The following PTPN14 variants were observed in gnomAD, a reference collection of about 807,000 sequenced individuals.
PTPN14 encodes the protein tyrosine-protein phosphatase non-receptor type 14.
In PTPN14, 53 loss-of-function variants were observed where a neutral mutation model predicts 126.8. That is an observed-to-expected ratio of 0.42 (90% CI 0.34 to 0.53). The LOEUF (loss-of-function observed/expected upper bound fraction) is 0.53. Ranked by LOEUF, PTPN14 falls within the 20% of genes least tolerant of loss-of-function variation. The pLI is 0.08. For missense variants in PTPN14, 1,257 were observed against 1,552.9 expected, an observed-to-expected ratio of 0.81 and a Z score of 3.20; for synonymous variants, 630 against 599.3, an observed-to-expected ratio of 1.05 and a Z score of -0.75.
intron 1 of PTPN14, among the ~76,000 whole-genome samples, chr1:214,491,849 C>G (rs1661258019): frequency 6.6e-6 from 1 of 152,158 alleles, no homozygotes; most frequent in Non-Finnish European, 1.5e-5. Flanking sequence ...CAAACGTCCA[C>G]CTGCTTCCTT....
chr1:214,503,665 G>A (rs978275381), intron 1 of PTPN14, among the ~76,000 whole-genome samples: 5 of 152,196 alleles, frequency 3.3e-5, no homozygotes, highest in African/African-American at 1.2e-4. Context: ...TGTGATGTTG[G>A]TCAATAAACA....
At chr1:214,368,639 C>T (rs528713990) in intron 17 of PTPN14, among the ~76,000 whole-genome samples, 8 of 152,274 alleles carry the variant, frequency 5.3e-5, no homozygotes, top group African/African-American at 1.7e-4. Context: ...TCACCATCAT[C>T]CATGTCCAGT....
intron 1 of PTPN14, among the ~76,000 whole-genome samples, chr1:214,545,598 G>A (rs1023724089): frequency 2.6e-5 from 4 of 152,116 alleles, no homozygotes; most frequent in Non-Finnish European, 5.9e-5. Context: ...CAGTAAGGAT[G>A]GAGGGAAAGG....
chr1:214,452,772 T>C (rs1452911698), intron 2 of PTPN14, among the ~76,000 whole-genome samples: 1 of 152,240 alleles, frequency 6.6e-6, no homozygotes, highest in Non-Finnish European at 1.5e-5. Flanking sequence ...TATTAATTCA[T>C]GCTAGGATTT....
intron 18 of PTPN14, among the ~76,000 whole-genome samples, chr1:214,358,752 T>TC (rs1283187829): frequency 6.6e-6 from 1 of 151,592 alleles, no homozygotes; most frequent in Non-Finnish European, 1.5e-5. Context: ...ATTCCTTTTT[T>TC]TTTTTTTGAG....
intron 5 of PTPN14, among the ~76,000 whole-genome samples, chr1:214,409,407 C>T (rs1223014711): frequency 6.6e-6 from 1 of 152,146 alleles, no homozygotes. Context: ...TGACAAAATT[C>T]TGTTCTAAGG....
At chr1:214,370,926 T>C (rs1658203680) in intron 16 of PTPN14, among the ~76,000 whole-genome samples, 1 of 152,208 alleles carries the variant, frequency 6.6e-6, no homozygotes, top group African/African-American at 2.4e-5. Context: ...CAACACATCT[T>C]TGCGGAATAT....
chr1:214,503,459 C>A (rs1034598520), intron 1 of PTPN14, among the ~76,000 whole-genome samples: 7 of 152,080 alleles, frequency 4.6e-5, no homozygotes, highest in African/African-American at 1.7e-4. Flanking sequence ...AATATGTAGA[C>A]GTACATTTGT....
In PTPN14 at chr1:214,356,380, A is replaced by C. The variant is rs1264941636; in HGVS notation, c.*1542T>G. 1 of 152,246 alleles carries C rather than the reference A, an allele frequency of 6.6e-6. No individual in the cohort carries two copies. Among genetic ancestry groups the C allele is most frequent in the Non-Finnish European group, 1.5e-5 (1 of 68,058 alleles). The allele number at this position is 152,246 out of a possible 1,614,324, so 9.4% of individuals were successfully genotyped here. A position where few individuals can be genotyped will look rare whatever the true frequency, so the allele number is the denominator to read the frequency against. On this transcript the variant is annotated 3_prime_UTR_variant, in exon 19 of 19. Transcript: ENST00000366956. ...ACAAGGAAGATGTGGCATCAAATTAACTAGAAAGAGCACGCCTGTGACTTC... is the reference window on the plus strand; with the variant it reads ...ACAAGGAAGATGTGGCATCAAATTACCTAGAAAGAGCACGCCTGTGACTTC...
At chr1:214,541,656 C>G (rs1277426484) in intron 1 of PTPN14, among the ~76,000 whole-genome samples, 1 of 152,172 alleles carries the variant, frequency 6.6e-6, no homozygotes. Flanking sequence ...GGTGATTTAC[C>G]TGTCCATTTC....
chr1:214,406,510 T>A (rs576563136), intron 5 of PTPN14, among the ~76,000 whole-genome samples: 5 of 150,678 alleles, frequency 3.3e-5, no homozygotes, highest in African/African-American at 7.3e-5. Context: ...AAGTAGCCAA[T>A]GCAATCTAGC....
chr1:214,399,259 C>T (rs915122217), intron 7 of PTPN14, among the ~76,000 whole-genome samples: 8 of 152,148 alleles, frequency 5.3e-5, no homozygotes, highest in South Asian at 2.1e-4. Context: ...GCTGTGTCGG[C>T]GGGGTCAGGT....
At chr1:214,448,710 C>G (rs140660508) in intron 3 of PTPN14, among the ~76,000 whole-genome samples, 1 of 152,324 alleles carries the variant, frequency 6.6e-6, no homozygotes, top group African/African-American at 2.4e-5. Flanking sequence ...ATTCCAACAT[C>G]CTACCCAATA....
At chr1:214,549,894 G>T (rs555069502) in intron 1 of PTPN14, among the ~76,000 whole-genome samples, 1 of 152,302 alleles carries the variant, frequency 6.6e-6, no homozygotes, top group Non-Finnish European at 1.5e-5. Context: ...TGGGGGTGGA[G>T]AGAATGCTAT....
In PTPN14 at chr1:214,483,804, T is replaced by C. The variant is rs139708549; in HGVS notation, c.-154-18847A>G. Among the ~76,000 whole-genome samples the C allele has an allele frequency of 2.7e-3, 414 of 152,354 alleles. 1 individual carries two copies. Among genetic ancestry groups the C allele is most frequent in the African/African-American group, 9.5e-3 (394 of 41,584 alleles). ...GTGGTTCTCCCTTAACTCTAAATTC[T>C]CCTTGTCTTCTTAAGTTATAGCACT... On this transcript the variant is annotated intron_variant, in intron 1 of 18. Transcript: ENST00000366956.
intron 5 of PTPN14, among the ~76,000 whole-genome samples, chr1:214,409,442 T>C (rs1232851551): frequency 1.3e-5 from 2 of 152,214 alleles, no homozygotes; most frequent in Non-Finnish European, 2.9e-5. Context: ...ATTGTGAGTA[T>C]ACACCATTTT....
intron 5 of PTPN14, among the ~76,000 whole-genome samples, chr1:214,404,694 C>T (rs1051428002): frequency 1.3e-5 from 2 of 152,190 alleles, no homozygotes; most frequent in African/African-American, 4.8e-5. Flanking sequence ...AGAGTGCGAG[C>T]ATGGCCCTGT....
intron 11 of PTPN14, 145 bp from the exon 12 acceptor site, chr1:214,387,067 C>T (rs1658636691): frequency 3.0e-6 from 2 of 656,186 alleles, no homozygotes; most frequent in Admixed American, 2.7e-5. Context: ...TTTGACTCAA[C>T]CTTCTTCTAC....
intron 3 of PTPN14, among the ~76,000 whole-genome samples, chr1:214,450,333 G>A (rs532180098): frequency 2.6e-5 from 4 of 151,452 alleles, no homozygotes; most frequent in Middle Eastern, 6.8e-3. Flanking sequence ...TTAGCCAGCC[G>A]TGGTGGCAGG....
Sources: gnomAD v4.1 joint callset for allele counts (sites outside exome capture counted in the v4.1 genomes callset) on GRCh38, gnomAD v4.1.1 for gene constraint, MANE v1.5 for transcripts, NCBI Gene and HGNC (gene_info 2026-07-23, HGNC 2026-07-21) for gene names.